Variants in SHANK2 observed in about 807,000 individuals in gnomAD.
The protein encoded by SHANK2 is SH3 and multiple ankyrin repeat domains 2, also known as SH3 and multiple ankyrin repeat domains protein 2.
A neutral mutation model predicts 133.7 loss-of-function variants in SHANK2; 43 were observed. That is an observed-to-expected ratio of 0.32 (90% CI 0.25 to 0.41). The LOEUF is 0.41. SHANK2 is among the 10% of genes least tolerant of loss of function. The probability of loss-of-function intolerance (pLI) is 1.00; values close to 1 mark genes in which losing one functional copy is unlikely to be tolerated. For synonymous variants in SHANK2, 1,017 were observed against 952.8 expected (o/e 1.07, Z -1.24); for missense variants, 1,994 against 2,235.8 (o/e 0.89, Z 2.18).
At chr11:71,156,094 C>T (rs1450623357) in intron 2 of SHANK2, among the ~76,000 whole-genome samples, 1 of 152,086 alleles carries the variant, frequency 6.6e-6, no homozygotes, top group East Asian at 1.9e-4. Context: ...CGCCAGGGAG[C>T]GAGACCTCAG....
chr11:71,156,241 G>C (rs1555109086), intron 2 of SHANK2, among the ~76,000 whole-genome samples: 4 of 152,198 alleles, frequency 2.6e-5, no homozygotes, highest in African/African-American at 7.2e-5. Context: ...CAGTCCCCAG[G>C]ACCCTCCTGA....
chr11:70,781,157 G>A (rs782655692), intron 14 of SHANK2, among the ~76,000 whole-genome samples: 2 of 150,534 alleles, frequency 1.3e-5, no homozygotes, highest in African/African-American at 2.5e-5. Flanking sequence ...ACCCCGGACC[G>A]GTTGCCGTGA....
chr11:71,110,881 G>C (rs1447004217), intron 5 of SHANK2, among the ~76,000 whole-genome samples: 6 of 152,278 alleles, frequency 3.9e-5, no homozygotes, highest in African/African-American at 1.4e-4. Context: ...AGTATGGAGA[G>C]GTGAGGCCTT....
intron 3 of SHANK2, among the ~76,000 whole-genome samples, chr11:71,138,545 G>A (rs558090716): frequency 3.9e-5 from 6 of 152,162 alleles, no homozygotes; most frequent in African/African-American, 7.2e-5. Context: ...GGCCGGGCGC[G>A]GTGGTTCACG....
intron 2 of SHANK2, among the ~76,000 whole-genome samples, chr11:71,165,839 G>T (rs1953133843): frequency 6.6e-6 from 1 of 152,100 alleles, no homozygotes. Context: ...ACGCTTCCCG[G>T]CTGATCTCAC....
At chr11:70,745,335 G>A (rs1555035750) in intron 14 of SHANK2, among the ~76,000 whole-genome samples, 1 of 152,192 alleles carries the variant, frequency 6.6e-6, no homozygotes, top group African/African-American at 2.4e-5. Context: ...CGGTTGAGTG[G>A]TCTCCACGTA....
Position 71,057,527 on chromosome 11 carries a change from G to A in SHANK2, c.1030-969C>T, listed in dbSNP as rs937201686. ...TCATGGAAAGGAAAAGGATTAGGGA[G>A]AGAACAGAAGGAATCTTTTTACACT... On this transcript the variant is annotated intron_variant, in intron 9 of 25. Transcript: ENST00000601538. Among the ~76,000 whole-genome samples the A allele has an allele frequency of 6.6e-5, 10 of 152,284 alleles. No individual in the cohort carries two copies. In the East Asian group the frequency reaches 1.9e-3, roughly 29 times the overall value.
chr11:70,847,976 G>C (rs766642851), intron 11 of SHANK2, among the ~76,000 whole-genome samples: 4 of 152,246 alleles, frequency 2.6e-5, no homozygotes, highest in Non-Finnish European at 5.9e-5. Context: ...CGTGGCTGGA[G>C]GGGACCAGCC....
intron 14 of SHANK2, among the ~76,000 whole-genome samples, chr11:70,780,211 G>A (rs911388048): frequency 5.3e-5 from 8 of 152,138 alleles, no homozygotes; most frequent in Non-Finnish European, 1.2e-4. Context: ...CTTTCGTAGG[G>A]ACAGGGGTTG....
chr11:71,146,786 G>A (rs1194840468), intron 3 of SHANK2, among the ~76,000 whole-genome samples: 4 of 152,190 alleles, frequency 2.6e-5, no homozygotes, highest in Non-Finnish European at 4.4e-5. Context: ...CCTGCCGCCC[G>A]GGTTTTCTCT....
intron 17 of SHANK2, among the ~76,000 whole-genome samples, chr11:70,571,131 C>T (rs1467837601): frequency 2.0e-5 from 3 of 152,128 alleles, no homozygotes; most frequent in African/African-American, 7.2e-5. Context: ...CCAGCCTCTC[C>T]CCCACTCCCT....
intron 17 of SHANK2, among the ~76,000 whole-genome samples, chr11:70,549,559 CA>C (rs1475757122): frequency 6.6e-6 from 1 of 152,110 alleles, no homozygotes; most frequent in African/African-American, 2.4e-5. Context: ...GCAGTGTGGC[CA>C]GGGGCAGGCG....
At chr11:70,685,947 C>A (rs1276335772) in intron 15 of SHANK2, among the ~76,000 whole-genome samples, 3 of 152,130 alleles carry the variant, frequency 2.0e-5, no homozygotes, top group African/African-American at 7.2e-5. Context: ...ACCCACTCAC[C>A]CATCCATGCA....
chr11:71,234,745 G>A (rs1170896823), intron 1 of SHANK2, among the ~76,000 whole-genome samples: 1 of 152,186 alleles, frequency 6.6e-6, no homozygotes, highest in African/African-American at 2.4e-5. Context: ...CTGTCAAGGA[G>A]GGATGAGTGA....
intron 14 of SHANK2, among the ~76,000 whole-genome samples, chr11:70,706,552 AGTG>A (rs1391009049): frequency 6.6e-6 from 1 of 152,084 alleles, no homozygotes; most frequent in Non-Finnish European, 1.5e-5. Flanking sequence ...TCAGCTGTGA[AGTG>A]GGCCGGTGGG....
At chr11:71,214,470 A>G (rs1265843093) in intron 2 of SHANK2, among the ~76,000 whole-genome samples, 1 of 152,166 alleles carries the variant, frequency 6.6e-6, no homozygotes, top group African/African-American at 2.4e-5. Context: ...CTGTAGCCAA[A>G]AGACATCGTG....
chr11:71,234,402 T>TAAC (rs1227093812), intron 1 of SHANK2, among the ~76,000 whole-genome samples: 429 of 148,956 alleles, frequency 2.9e-3, no homozygotes, highest in African/African-American at 0.011. Flanking sequence ...AATAAATAAA[T>TAAC]AACAACAAAA....
At chr11:71,079,830 G>T in intron 8 of SHANK2, among the ~76,000 whole-genome samples, 1 of 121,466 alleles carries the variant, frequency 8.2e-6, no homozygotes, top group South Asian at 3.6e-4. Context: ...AAAGGGAAAG[G>T]GAAAGGGAGG....
intron 2 of SHANK2, among the ~76,000 whole-genome samples, chr11:71,187,505 T>C (rs544360160): frequency 6.6e-6 from 1 of 152,222 alleles, no homozygotes; most frequent in African/African-American, 2.4e-5. Flanking sequence ...AGTTCATGGG[T>C]TTTTCATGTT....
Sources: gnomAD v4.1 joint callset for allele counts (sites outside exome capture counted in the v4.1 genomes callset) on GRCh38, gnomAD v4.1.1 for gene constraint, MANE v1.5 for transcripts, NCBI Gene and HGNC (gene_info 2026-07-23, HGNC 2026-07-21) for gene names.